The following IGSF3 variants were observed in gnomAD, a reference collection of about 807,000 sequenced individuals.
The protein encoded by IGSF3 is immunoglobulin superfamily member 3.
Under a neutral mutation model 114.4 loss-of-function variants are expected in IGSF3, and 23 were observed. The observed-to-expected ratio is 0.20, with a 90% confidence interval of 0.14 to 0.28. The LOEUF is 0.28. IGSF3 is among the 10% of genes least tolerant of loss of function. IGSF3 has a pLI of 1.00. For missense variants in IGSF3, 1,172 were observed against 1,591.5 expected, an observed-to-expected ratio of 0.74 and a Z score of 4.48; for synonymous variants, 571 against 645.2, an observed-to-expected ratio of 0.88 and a Z score of 1.74.
chr1:116,584,763 C>T lies in IGSF3; in HGVS notation c.2730G>A (p.Val910=). 2 of 1,614,204 alleles carry T rather than the reference C, an allele frequency of 1.2e-6. No homozygotes were observed. Among genetic ancestry groups the T allele is most frequent in the Non-Finnish European group, 8.5e-7 (1 of 1,180,026 alleles). The change falls in exon 9 of 11, where the codon GTG becomes GTA. Residue 910 remains valine (V), a synonymous_variant. Coordinates refer to ENST00000369486, the MANE Select transcript of IGSF3 (RefSeq NM_001007237.3). This position sits in a 1 kb window ranked among gnomAD's most constrained non-coding sequence, Gnocchi z 5.8. ...GGCAGCTGTAGGTCCCGCTGTCCTG[C>T]ACAGCCACGTTCTGGATGAAGAGAC... The part of the protein sequence containing the change: ...VYRLFIQNVA[V]QDSGTYSCHV...
chr1:116,631,840 G>A (rs187233700), intron 2 of IGSF3, among the ~76,000 whole-genome samples: 8 of 152,340 alleles, frequency 5.3e-5, no homozygotes, highest in African/African-American at 1.9e-4. Flanking sequence ...ATTCAGATGG[G>A]AGGTGCCTCC....
rs1393071362 is a variant in IGSF3 at position 116,662,318 on chromosome 1, G to A, written c.43+3966C>T. Among the ~76,000 whole-genome samples the A allele has an allele frequency of 2.0e-5, 3 of 152,032 alleles. No homozygotes were observed. The highest frequency in any genetic ancestry group is 2.1e-4 in the South Asian group (1 of 4,822). On this transcript the variant is annotated intron_variant, in intron 2 of 10. Transcript: ENST00000369486. The surrounding 1 kb of genome is among the most constrained non-coding windows in gnomAD (Gnocchi z 4.3). ...ACTCCTGACCTCAAGTGATCCACCCGCCTCAGCCTCCCAAAGTGCTGCGGT... is the reference window on the plus strand; with the variant it reads ...ACTCCTGACCTCAAGTGATCCACCCACCTCAGCCTCCCAAAGTGCTGCGGT...
chr1:116,597,579 C>A (rs1660394560), intron 7 of IGSF3, among the ~76,000 whole-genome samples: 1 of 152,138 alleles, frequency 6.6e-6, no homozygotes, highest in South Asian at 2.1e-4. Flanking sequence ...CTCTTAACAG[C>A]CCAAGTACAG....
chr1:116,590,744 G>T (rs1660074406), intron 7 of IGSF3, among the ~76,000 whole-genome samples: 1 of 152,000 alleles, frequency 6.6e-6, no homozygotes, highest in Non-Finnish European at 1.5e-5. Flanking sequence ...TGGTTTGGCA[G>T]CATCAAGGGT....
Position 116,603,909 on chromosome 1 carries a change from T to A in IGSF3, c.1339A>T (p.Ile447Phe), listed in dbSNP as rs1399178727. 9.3e-6 allele frequency: 15 copies of A among 1,614,070 alleles called. No homozygotes were observed. The highest frequency in any genetic ancestry group is 1.1e-5 in the Non-Finnish European group (13 of 1,179,990). The part of the protein sequence containing the change: ...AGRPQGRFSV[I>F]WQLVDRQNRR... ...TTCTGCCTGTCCACAAGCTGCCAGA[T>A]GACAGAGAAGCGACCCTGCGGCCTG... Residue 447 changes from isoleucine (I) to phenylalanine (F), a missense_variant, in exon 6 of 11, where the codon ATC (isoleucine) becomes TTC (phenylalanine). Physicochemically the swap from Ile to Phe is conservative, Grantham distance 21. Coordinates refer to ENST00000369486, the MANE Select transcript of IGSF3 (RefSeq NM_001007237.3). The surrounding 1 kb of genome is among the most constrained non-coding windows in gnomAD (Gnocchi z 7.1).
chr1:116,602,282 G>A (rs528281219), intron 6 of IGSF3, among the ~76,000 whole-genome samples: 5 of 151,618 alleles, frequency 3.3e-5, no homozygotes, highest in African/African-American at 1.2e-4. Flanking sequence ...GGGATAACCT[G>A]ATAACATAAA....
At position 116,664,386 on chromosome 1, in the gene IGSF3, T is replaced by C. The variant is rs1051811251; in HGVS notation, c.43+1898A>G. Among the ~76,000 whole-genome samples the C allele has an allele frequency of 2.0e-5, 3 of 152,196 alleles. No individual in the cohort carries two copies. The highest frequency in any genetic ancestry group is 7.2e-5 in the African/African-American group (3 of 41,446). ...AGAGCGAACAGCAGGGGGACCAGCA[T>C]GCAGCCTTACATTACTTGAGCAGCC... On this transcript the variant is annotated intron_variant, in intron 2 of 10. Coordinates refer to ENST00000369486, the MANE Select transcript of IGSF3 (RefSeq NM_001007237.3). The surrounding 1 kb of genome is among the most constrained non-coding windows in gnomAD (Gnocchi z 4.6).
chr1:116,586,426 T>C lies in IGSF3; in HGVS notation c.2441-1374A>G, dbSNP rs373837486. ...GTGTGTATGTATTTTCCAAAAGCTC[T>C]GTAAGTGTAGGCTTTCTCAGCAGGG... On this transcript the variant is annotated intron_variant, in intron 8 of 10. Transcript: ENST00000369486. Among the ~76,000 whole-genome samples, 5 of 152,130 alleles carry C rather than the reference T, an allele frequency of 3.3e-5. No homozygotes were observed. The South Asian group carries it at 8.3e-4, about 25-fold the overall frequency.
chr1:116,601,310 G>A (rs893206972), intron 6 of IGSF3, among the ~76,000 whole-genome samples: 16 of 152,180 alleles, frequency 1.1e-4, no homozygotes, highest in Non-Finnish European at 1.6e-4. Flanking sequence ...ACTGATTCCA[G>A]GGGCCTTTTT....
In IGSF3 at chr1:116,651,086, T is replaced by C; in HGVS notation, c.43+15198A>G. ...GAAGTTCCAGGCACAAAAAGGAAGC[T>C]CACAATAAGGAACGCCCATGCCTAG... is the stretch of plus-strand genomic sequence containing the variant. On this transcript the variant is annotated intron_variant, in intron 2 of 10. Transcript: ENST00000369486. This position sits in a 1 kb window ranked among gnomAD's most constrained non-coding sequence, Gnocchi z 4.4. Among the ~76,000 whole-genome samples the C allele has an allele frequency of 6.6e-6, 1 of 152,192 alleles. No individual in the cohort carries two copies. Among genetic ancestry groups the C allele is most frequent in the East Asian group, 1.9e-4 (1 of 5,170 alleles).
chr1:116,652,485 T>C (rs981044141), intron 2 of IGSF3, among the ~76,000 whole-genome samples: 1 of 152,214 alleles, frequency 6.6e-6, no homozygotes, highest in African/African-American at 2.4e-5. Flanking sequence ...TGAACCATTA[T>C]ATTAAGAGAA....
In IGSF3 at chr1:116,662,195, C is replaced by T. The variant is rs563475566; in HGVS notation, c.43+4089G>A. 3.9e-5 allele frequency among the ~76,000 whole-genome samples: 6 copies of T among 152,140 alleles called. No individual in the cohort carries two copies. Among genetic ancestry groups the T allele is most frequent in the Middle Eastern group, 3.4e-3 (1 of 294 alleles). On this transcript the variant is annotated intron_variant, in intron 2 of 10. Transcript: ENST00000369486. The surrounding 1 kb of genome is among the most constrained non-coding windows in gnomAD (Gnocchi z 4.3). ...AAGCGATTCTCCTGCCTCAGCCTCC[C>T]GAGTAGCTGGGATTACAGGAATGTG...
rs146476527 is a variant in IGSF3 at position 116,641,450 on chromosome 1, T to G, written c.43+24834A>C. Among the ~76,000 whole-genome samples, 10 of 135,760 alleles carry G rather than the reference T, an allele frequency of 7.4e-5. No homozygotes were observed. In the East Asian group the frequency reaches 1.7e-3, roughly 23 times the overall value. The allele number at this position is 135,760 out of a possible 152,430, so 89.1% of individuals were successfully genotyped here. A position where few individuals can be genotyped will look rare whatever the true frequency, so the allele number is the denominator to read the frequency against. On this transcript the variant is annotated intron_variant, in intron 2 of 10. Transcript: ENST00000369486. ...GGCAGAGGTTGCAGTGAGCCAAGAT[T>G]GTGCCACTGCACTCTAGCATGGGCA...
chr1:116,656,386 C>T (rs1260148341), intron 2 of IGSF3, among the ~76,000 whole-genome samples: 3 of 148,262 alleles, frequency 2.0e-5, no homozygotes, highest in East Asian at 4.0e-4. Flanking sequence ...CTGCAAGCTC[C>T]GCCTCCCGGG....
rs767143549 is a variant in IGSF3, at chr1:116,608,192, G to A, written c.972C>T (p.Leu324=). The A allele has an allele frequency of 1.7e-5, 28 of 1,611,502 alleles. No homozygotes were observed. The highest frequency in any genetic ancestry group is 6.7e-5 in the Admixed American group (4 of 59,888). Residue 324 remains leucine, a synonymous_variant, in exon 5 of 11, where the codon CTC becomes CTT. Coordinates refer to ENST00000369486, the MANE Select transcript of IGSF3 (RefSeq NM_001007237.3). The stretch of plus-strand genomic sequence containing the variant: ...CAGCGTTAGGACCCATGGTGGCGAT[G>A]AGCGAGCTGTTGAAGGCCCAGGAGA... ...FAVSWAFNSS[L]IATMGPNAVP...
Position 116,633,898 on chromosome 1 carries a change from C to T in IGSF3, c.44-17441G>A, listed in dbSNP as rs1647706191. Among the ~76,000 whole-genome samples the T allele has an allele frequency of 6.6e-6, 1 of 152,238 alleles. No homozygotes were observed. Among genetic ancestry groups the T allele is most frequent in the East Asian group, 1.9e-4 (1 of 5,202 alleles). On this transcript the variant is annotated intron_variant, in intron 2 of 10. Transcript: ENST00000369486. This position sits in a 1 kb window ranked among gnomAD's most constrained non-coding sequence, Gnocchi z 4.3. ...CTGAGGTCAGCCCTGAGTCTGTAGGCTCTGCCCTCTCACAAAGGTGAGTAG... is the reference window on the plus strand; with the variant it reads ...CTGAGGTCAGCCCTGAGTCTGTAGGTTCTGCCCTCTCACAAAGGTGAGTAG...
Position 116,666,572 on chromosome 1 carries a change from C to T in IGSF3, c.-246G>A, listed in dbSNP as rs1649343601. On this transcript the variant is annotated 5_prime_UTR_variant, in exon 2 of 11. Transcript: ENST00000369486. Reference sequence around the variant, plus strand: ...GGTCCACAACAATTCGGAAGTCGCTCCCGGCTCCTGCCACATCGTGTGCCT... The same window carrying T: ...GGTCCACAACAATTCGGAAGTCGCTTCCGGCTCCTGCCACATCGTGTGCCT... 3.3e-6 allele frequency: 2 copies of T among 600,312 alleles called. No homozygotes were observed. Among genetic ancestry groups the T allele is most frequent in the Admixed American group, 5.9e-5 (2 of 33,754 alleles). The allele number at this position is 600,312 out of a possible 1,614,324, so 37.2% of individuals were successfully genotyped here.
rs1045277253 is a variant in IGSF3, at chr1:116,583,986, C to G, written c.2848+659G>C. On this transcript the variant is annotated intron_variant, in intron 9 of 10. Coordinates refer to ENST00000369486, the MANE Select transcript of IGSF3 (RefSeq NM_001007237.3). The surrounding 1 kb of genome is among the most constrained non-coding windows in gnomAD (Gnocchi z 4.5). Reference sequence around the variant, plus strand: ...GGTGGGGGTCACGAGGTCAGGAGATCGAGACCAGCTTGGCCAACATGATGA... The same window carrying G: ...GGTGGGGGTCACGAGGTCAGGAGATGGAGACCAGCTTGGCCAACATGATGA... Among the ~76,000 whole-genome samples, 1 of 152,102 alleles carries G rather than the reference C, an allele frequency of 6.6e-6. No individual in the cohort carries two copies. The highest frequency in any genetic ancestry group is 1.5e-5 in the Non-Finnish European group (1 of 68,026).
chr1:116,653,192 T>G (rs533017685), intron 2 of IGSF3, among the ~76,000 whole-genome samples: 70 of 152,222 alleles, frequency 4.6e-4, no homozygotes, highest in Non-Finnish European at 9.1e-4. Flanking sequence ...ATGACTTCAG[T>G]CATCCCCGTT....
Sources: allele counts gnomAD v4.1 joint callset (sites outside exome capture counted in the v4.1 genomes callset), GRCh38; gene constraint gnomAD v4.1.1; non-coding constraint Gnocchi (gnomAD v3.1); transcripts MANE v1.5; gene names NCBI Gene and HGNC (gene_info 2026-07-23, HGNC 2026-07-21).